The following PIK3C2A variants were observed in gnomAD, a reference collection of about 807,000 sequenced individuals.
PIK3C2A encodes phosphatidylinositol 4-phosphate 3-kinase C2 domain-containing subunit alpha.
Under a neutral mutation model 204.5 loss-of-function variants are expected in PIK3C2A, and 97 were observed. The ratio of observed to expected loss-of-function variants is 0.47; its 90% CI spans 0.40 to 0.56. The LOEUF (loss-of-function observed/expected upper bound fraction) is 0.56, where lower values mean the gene tolerates loss of function less well. Among genes scored for constraint, PIK3C2A ranks in the 20% least tolerant of loss-of-function variants. The pLI, the probability that PIK3C2A is intolerant of heterozygous loss-of-function variation, is 0.00. For missense variants in PIK3C2A, 1,735 were observed against 1,969.2 expected (o/e 0.88, Z 2.25); for synonymous variants, 653 against 664.4 (o/e 0.98, Z 0.26).
chr11:17,140,975 A>T (rs1850044879), intron 8 of PIK3C2A, among the ~76,000 whole-genome samples: 1 of 152,160 alleles, frequency 6.6e-6, no homozygotes, highest in African/African-American at 2.4e-5. Flanking sequence ...AAGCATTTAG[A>T]GGGGAACAAC....
Position 17,089,997 on chromosome 11 carries a change from G to A in PIK3C2A, c.4879-77C>T, listed in dbSNP as rs1349877728. 8.1e-6 allele frequency: 9 copies of A among 1,107,136 alleles called. No individual in the cohort carries two copies. In the Admixed American group the frequency reaches 8.8e-5, roughly 11 times the overall value. The allele number at this position is 1,107,136 out of a possible 1,614,324, so 68.6% of individuals were successfully genotyped here. A position where few individuals can be genotyped will look rare whatever the true frequency, so the allele number is the denominator to read the frequency against. On this transcript the variant is annotated intron_variant, in intron 32 of 32. Coordinates refer to ENST00000691414, the MANE Select transcript of PIK3C2A (RefSeq NM_002645.4). ...TTCTTGGAACATTTCAAGTGAAAACGTGAGAATATTAGCCAAAGAGTGACC... is the reference window on the plus strand; with the variant it reads ...TTCTTGGAACATTTCAAGTGAAAACATGAGAATATTAGCCAAAGAGTGACC...
intron 11 of PIK3C2A, 117 bp downstream of exon 11, chr11:17,134,702 C>A: frequency 1.3e-6 from 1 of 741,342 alleles, no homozygotes; most frequent in Non-Finnish European, 2.3e-6. Context: ...GATGAGGTCT[C>A]ATTGCCAAGG....
chr11:17,137,130 T>C (rs112492151), intron 8 of PIK3C2A, among the ~76,000 whole-genome samples: 4 of 152,186 alleles, frequency 2.6e-5, no homozygotes, highest in African/African-American at 9.6e-5. Context: ...CAAACTTTTA[T>C]GCCAAGTACT....
At chr11:17,145,811 G>T in intron 7 of PIK3C2A, 52 bp downstream of exon 7, 2 of 1,561,100 alleles carry the variant, frequency 1.3e-6, no homozygotes, top group Non-Finnish European at 1.8e-6. Context: ...AAGTGTATTT[G>T]CATCCAAAAA....
chr11:17,141,843 T>C (rs886440252), intron 8 of PIK3C2A, among the ~76,000 whole-genome samples: 3 of 152,230 alleles, frequency 2.0e-5, no homozygotes, highest in Non-Finnish European at 4.4e-5. Context: ...GCTCACATTC[T>C]AAATGTATTT....
Position 17,115,232 on chromosome 11 carries a change from T to C in PIK3C2A, c.3217-767A>G, listed in dbSNP as rs907217217. Among the ~76,000 whole-genome samples the C allele has an allele frequency of 3.3e-5, 5 of 151,618 alleles. No individual in the cohort carries two copies. The South Asian group carries it at 6.2e-4, about 19-fold the overall frequency. On this transcript the variant is annotated intron_variant, in intron 19 of 32. Coordinates refer to ENST00000691414, the MANE Select transcript of PIK3C2A (RefSeq NM_002645.4). The stretch of plus-strand genomic sequence containing the variant: ...AATTTCAAAACTTACTATAAAACTA[T>C]GGTAATTAAAAAAAGTATAGGCTGG...
chr11:17,201,264 C>G (rs980222699), intron 1 of PIK3C2A, among the ~76,000 whole-genome samples: 1 of 151,826 alleles, frequency 6.6e-6, no homozygotes, highest in African/African-American at 2.4e-5. Flanking sequence ...TGTGGTGGCT[C>G]ATGCCTGTCA....
At chr11:17,147,712 C>G in intron 5 of PIK3C2A, 84 bp from the exon 6 acceptor site, 1 of 681,920 alleles carries the variant, frequency 1.5e-6, no homozygotes, top group Non-Finnish European at 2.5e-6. Context: ...GCACCTGCAT[C>G]AGAAATTGAA....
At chr11:17,172,917 C>T (rs148618152) in intron 1 of PIK3C2A, among the ~76,000 whole-genome samples, 307 of 152,302 alleles carry the variant, frequency 2.0e-3, no homozygotes, top group African/African-American at 7.1e-3. Flanking sequence ...TTAACATTCC[C>T]GTTTAGATTC....
At chr11:17,189,812 C>CAA (rs759869051) in intron 1 of PIK3C2A, among the ~76,000 whole-genome samples, 12,276 of 59,824 alleles carry the variant, frequency 0.21, 1,927 homozygotes, top group East Asian at 0.4. Flanking sequence ...GGCTCTGTCT[C>CAA]AAAAAAAAAA....
intron 16 of PIK3C2A, 29 bp downstream of exon 16, chr11:17,119,757 A>C: frequency 1.4e-6 from 2 of 1,412,306 alleles, no homozygotes; most frequent in Non-Finnish European, 1.9e-6. Context: ...TGACAATAAA[A>C]CAAGAGCAAA....
At position 17,179,592 on chromosome 11, in the gene PIK3C2A, C is replaced by G. The variant is rs1591002972; in HGVS notation, c.-65-9786G>C. 2.6e-5 allele frequency among the ~76,000 whole-genome samples: 4 copies of G among 152,224 alleles called. No individual in the cohort carries two copies. The South Asian group carries it at 8.3e-4, about 32-fold the overall frequency. On this transcript the variant is annotated intron_variant, in intron 1 of 32. Transcript: ENST00000691414. ...TAGAGAGAAATGTGTTCACAATCAA[C>G]CACATAGGATAAGTTACAAAAAGAT...
At chr11:17,158,355 A>T (rs374984986) in intron 2 of PIK3C2A, among the ~76,000 whole-genome samples, 386 of 148,520 alleles carry the variant, frequency 2.6e-3, no homozygotes, top group Middle Eastern at 0.011. Context: ...TCTCAAAAAA[A>T]AATAATAATA....
intron 23 of PIK3C2A, among the ~76,000 whole-genome samples, chr11:17,104,343 T>C (rs1363235414): frequency 1.3e-5 from 2 of 152,216 alleles, no homozygotes; most frequent in African/African-American, 2.4e-5. Context: ...AAAATCTCAA[T>C]GCTTATGTTT....
intron 11 of PIK3C2A, among the ~76,000 whole-genome samples, chr11:17,132,312 T>G (rs981061610): frequency 5.0e-5 from 7 of 140,274 alleles, no homozygotes; most frequent in African/African-American, 1.6e-4. Context: ...ATAATTAACT[T>G]TAATTTTTTT....
chr11:17,200,508 C>T (rs1852328793), intron 1 of PIK3C2A, among the ~76,000 whole-genome samples: 1 of 152,106 alleles, frequency 6.6e-6, no homozygotes, highest in Non-Finnish European at 1.5e-5. Flanking sequence ...AGGCTATATA[C>T]ACTGTGTGAT....
chr11:17,194,160 GT>G, intron 1 of PIK3C2A: 1 of 731,188 alleles, frequency 1.4e-6, no homozygotes, highest in Non-Finnish European at 1.9e-6. Flanking sequence ...CTTGGGAAGC[GT>G]GCTTGTGCCC....
At chr11:17,192,213 CAT>C (rs1489119366) in intron 1 of PIK3C2A, among the ~76,000 whole-genome samples, 2 of 151,962 alleles carry the variant, frequency 1.3e-5, no homozygotes, top group East Asian at 3.9e-4. Context: ...TTTGTTTAAA[CAT>C]GTGTTTGAAG....
At chr11:17,170,830 T>G (rs1408343909) in intron 1 of PIK3C2A, among the ~76,000 whole-genome samples, 1 of 152,034 alleles carries the variant, frequency 6.6e-6, no homozygotes, top group Admixed American at 6.6e-5. Context: ...CTGGCCGGGC[T>G]CGGTGGCTCA....
Sources: allele counts gnomAD v4.1 joint callset (sites outside exome capture counted in the v4.1 genomes callset), GRCh38; gene constraint gnomAD v4.1.1; transcripts MANE v1.5; gene names NCBI Gene and HGNC (gene_info 2026-07-23, HGNC 2026-07-21).